WDR11: variants seen among roughly 807,000 people sequenced by gnomAD.
WDR11 encodes the protein WD repeat-containing protein 11.
WDR11 carries 83 observed loss-of-function variants against 151.2 expected under a neutral mutation model. The observed-to-expected ratio is 0.55, with a 90% CI of 0.46 to 0.66. The LOEUF is 0.66. WDR11 is among the 30% of genes least tolerant of loss of function. The probability of loss-of-function intolerance (pLI) is 0.00; values close to 1 mark genes in which losing one functional copy is unlikely to be tolerated. For synonymous variants in WDR11, 484 were observed against 533.1 expected (o/e 0.91, Z 1.27); for missense variants, 1,301 against 1,480.9 (o/e 0.88, Z 1.99).
chr10:120,897,225 A>G (rs1847645827), intron 19 of WDR11, among the ~76,000 whole-genome samples: 1 of 152,218 alleles, frequency 6.6e-6, no homozygotes, highest in African/African-American at 2.4e-5. Flanking sequence ...GGCAAGAAGC[A>G]AAAGCTCAGG....
intron 19 of WDR11, among the ~76,000 whole-genome samples, chr10:120,895,025 A>C (rs1315439870): frequency 6.6e-6 from 1 of 152,256 alleles, no homozygotes; most frequent in Non-Finnish European, 1.5e-5. Context: ...TTTAAAAAAT[A>C]AGGTATTTCC....
chr10:120,866,337 A>G (rs1028696004), intron 7 of WDR11, among the ~76,000 whole-genome samples: 7 of 149,644 alleles, frequency 4.7e-5, no homozygotes, highest in Non-Finnish European at 8.9e-5. Flanking sequence ...AAAATATTGA[A>G]AAAAGATATC....
Position 120,886,851 on chromosome 10 carries a change from G to A in WDR11, c.2121+15G>A. ...TTCCACCAGATGTGAGTACAACCTTGATTAAATCTTCATCAAGAAGATTTT... is the reference window on the plus strand; with the variant it reads ...TTCCACCAGATGTGAGTACAACCTTAATTAAATCTTCATCAAGAAGATTTT... On this transcript the variant is annotated intron_variant, in intron 16 of 28. Transcript: ENST00000263461. 6.2e-7 allele frequency: 1 copy of A among 1,613,794 alleles called. No individual in the cohort carries two copies. Among genetic ancestry groups the A allele is most frequent in the South Asian group, 1.1e-5 (1 of 91,056 alleles).
At chr10:120,899,902 T>C in intron 19 of WDR11, 127 bp from the exon 20 acceptor site, 1 of 754,650 alleles carries the variant, frequency 1.3e-6, no homozygotes. Context: ...CTACATTGAA[T>C]ATACTCTCAG....
In WDR11 at chr10:120,905,968, C is replaced by T. The variant is rs753389962; in HGVS notation, c.3384C>T (p.Leu1128=). ...AAGTCAATCAGAAATCAAAGGCTCT[C>T]CTGGTTCTCCTCTCTCTGGGCTGCT... The part of the protein sequence containing the change: ...SPQVNQKSKA[L]LVLLSLGCFF... The change falls in exon 27 of 29, where the codon CTC becomes CTT. Residue 1128 remains leucine (L), a synonymous_variant. Coordinates refer to ENST00000263461, the MANE Select transcript of WDR11 (RefSeq NM_018117.12). 4 of 1,614,086 alleles carry T rather than the reference C, an allele frequency of 2.5e-6. No homozygotes were observed. The highest frequency in any genetic ancestry group is 2.5e-6 in the Non-Finnish European group (3 of 1,180,020).
At chr10:120,869,108 T>G (rs7922804) in intron 9 of WDR11, among the ~76,000 whole-genome samples, 7,774 of 83,846 alleles carry the variant, frequency 0.093, 752 homozygotes, top group African/African-American at 0.37. Context: ...AATTACAGGT[T>G]TTTTTTTTTT....
chr10:120,887,002 C>T (rs1319660883), intron 16 of WDR11, among the ~76,000 whole-genome samples, 166 bp downstream of exon 16: 2 of 152,184 alleles, frequency 1.3e-5, no homozygotes, highest in Non-Finnish European at 2.9e-5. Context: ...TAGAGAATAA[C>T]GCTGTAACTA....
intron 25 of WDR11, among the ~76,000 whole-genome samples, 191 bp downstream of exon 25, chr10:120,905,002 G>A (rs796204830): frequency 3.3e-5 from 5 of 152,284 alleles, no homozygotes; most frequent in African/African-American, 1.2e-4. Flanking sequence ...TTTTCAGAGT[G>A]AAAGGGGGCA....
intron 14 of WDR11, among the ~76,000 whole-genome samples, chr10:120,885,286 T>TACACACACACACAC (rs5788451): frequency 6.8e-6 from 1 of 147,350 alleles, no homozygotes; most frequent in Admixed American, 6.8e-5. Flanking sequence ...TATATATATA[T>TACACACACACACAC]ACACACACAC....
chr10:120,897,562 C>T (rs1847656533), intron 19 of WDR11, among the ~76,000 whole-genome samples: 3 of 152,190 alleles, frequency 2.0e-5, no homozygotes, highest in African/African-American at 2.4e-5. Context: ...AAGTACACAG[C>T]ATCCTTTGTT....
chr10:120,882,266 T>TTGATATATTATTAAGAGATTTA lies in WDR11; in HGVS notation c.1739+1382_1739+1383insATTTATGATATATTATTAAGAG, dbSNP rs1466346603. ...TTGACATATTGCTGGATTTGATTTA[T>TTGATATATTATTAAGAGATTTA]TGATATATTATTAAGAGTTTTATGA... On this transcript the variant is annotated intron_variant, in intron 13 of 28. Coordinates refer to ENST00000263461, the MANE Select transcript of WDR11 (RefSeq NM_018117.12). Among the ~76,000 whole-genome samples, 5 of 152,114 alleles carry TTGATATATTATTAAGAGATTTA rather than the reference T, an allele frequency of 3.3e-5. No individual in the cohort carries two copies. In the East Asian group the frequency reaches 9.6e-4, roughly 29 times the overall value.
intron 19 of WDR11, 138 bp from the exon 20 acceptor site, chr10:120,899,891 A>G (rs547657065): frequency 1.4e-6 from 1 of 704,758 alleles, no homozygotes; most frequent in East Asian, 2.7e-5. Flanking sequence ...CTAAGCGGTG[A>G]CTACATTGAA....
intron 14 of WDR11, among the ~76,000 whole-genome samples, chr10:120,885,399 T>C (rs1165133220): frequency 6.6e-6 from 1 of 152,076 alleles, no homozygotes; most frequent in East Asian, 1.9e-4. Flanking sequence ...TAAAAGGCTT[T>C]ACAATAGGTG....
Position 120,862,720 on chromosome 10 carries a change from C to T in WDR11, c.527-15C>T, listed in dbSNP as rs1266128454. Reference sequence around the variant, plus strand: ...TCATTAAACTTTAATCAGAGTTTTGCTTTTCTCAATATAGTGCTTACCAGC... The same window carrying T: ...TCATTAAACTTTAATCAGAGTTTTGTTTTTCTCAATATAGTGCTTACCAGC... On this transcript the variant is annotated splice_polypyrimidine_tract_variant and intron_variant, in intron 4 of 28. Coordinates refer to ENST00000263461, the MANE Select transcript of WDR11 (RefSeq NM_018117.12). The T allele has an allele frequency of 6.2e-7, 1 of 1,613,744 alleles. No individual in the cohort carries two copies. The highest frequency in any genetic ancestry group is 2.2e-5 in the East Asian group (1 of 44,860).
intron 9 of WDR11, among the ~76,000 whole-genome samples, chr10:120,869,814 G>A (rs1846466351): frequency 6.6e-6 from 1 of 151,618 alleles, no homozygotes; most frequent in Admixed American, 6.6e-5. Flanking sequence ...TTTTTGAGAT[G>A]GAGTCTCGCT....
At chr10:120,872,429 G>A (rs1434018848) in intron 10 of WDR11, among the ~76,000 whole-genome samples, 4 of 152,148 alleles carry the variant, frequency 2.6e-5, no homozygotes, top group African/African-American at 9.7e-5. Flanking sequence ...TTAGGATTTT[G>A]TCAATTTCTT....
rs757956650 is a variant in WDR11, at chr10:120,889,082, G to C, written c.2126G>C (p.Ser709Thr). 6.2e-7 allele frequency: 1 copy of C among 1,608,264 alleles called. No homozygotes were observed. Among genetic ancestry groups the C allele is most frequent in the Non-Finnish European group, 8.5e-7 (1 of 1,174,884 alleles). Reference protein sequence around the residue: ...KDSARIPPDGSMGSITCIAWK... With the variant: ...KDSARIPPDGTMGSITCIAWK... ...TTTGTTGCTGTTGTTTTCTAGGGAA[G>C]TATGGGTAGTATTACCTGCATCGCT... The change falls in exon 17 of 29, where the codon AGT (serine) becomes ACT (threonine). Residue 709 changes from serine (S) to threonine (T), a missense_variant. Physicochemically the swap from Ser to Thr is moderately conservative, Grantham distance 58. This residue lies in a region of WDR11 where 589 missense variants were observed against 670.6 expected (regional missense o/e 0.88). Coordinates refer to ENST00000263461, the MANE Select transcript of WDR11 (RefSeq NM_018117.12).
In WDR11 at chr10:120,866,763, A is replaced by G; in HGVS notation, c.1189A>G (p.Ser397Gly). 2 of 1,614,138 alleles carry G rather than the reference A, an allele frequency of 1.2e-6. No homozygotes were observed. The highest frequency in any genetic ancestry group is 1.7e-6 in the Non-Finnish European group (2 of 1,180,004). ...SAVCNRNSRNSSSGVSPLYSP... is the reference protein window; with the variant it reads ...SAVCNRNSRNGSSGVSPLYSP... ...AGTTTGTAATCGAAATTCACGGAAC[A>G]GGTAAATGAATCAACAGGATCATGG... Residue 397 changes from serine (S) to glycine (G), a missense_variant and splice_region_variant, in exon 8 of 29, where the codon AGT (serine) becomes GGT (glycine). By Grantham distance (56) the Ser-to-Gly change is moderately conservative. Around this residue, in one of 3 missense-constraint regions of WDR11, gnomAD observed 692 missense variants for 762.5 expected, o/e 0.91. Coordinates refer to ENST00000263461, the MANE Select transcript of WDR11 (RefSeq NM_018117.12).
At chr10:120,903,588 A>C (rs1224687905) in intron 23 of WDR11, among the ~76,000 whole-genome samples, 1 of 152,108 alleles carries the variant, frequency 6.6e-6, no homozygotes, top group Non-Finnish European at 1.5e-5. Context: ...AGATTTGAAA[A>C]GCTCATAGAC....
Sources: gnomAD v4.1 joint callset for allele counts (sites outside exome capture counted in the v4.1 genomes callset) on GRCh38, gnomAD v4.1.1 for gene constraint, gnomAD v4.1.1 regional missense constraint, MANE v1.5 for transcripts, NCBI Gene and HGNC (gene_info 2026-07-23, HGNC 2026-07-21) for gene names.